The following HPSE2 variants were observed in gnomAD, a reference collection of about 807,000 sequenced individuals.
HPSE2 encodes inactive heparanase-2.
HPSE2 carries 38 observed loss-of-function variants against 60.5 expected under a neutral mutation model. The ratio of observed to expected loss-of-function variants is 0.63; its 90% CI spans 0.48 to 0.82. The LOEUF is 0.82. Ranked by LOEUF, HPSE2 falls within the 40% of genes least tolerant of loss-of-function variation. The pLI is 0.00. For missense variants in HPSE2, 713 were observed against 740.4 expected (o/e 0.96, Z 0.43); for synonymous variants, 295 against 293.2 (o/e 1.01, Z -0.06).
At chr10:99,008,821 A>C (rs1397334879) in intron 3 of HPSE2, among the ~76,000 whole-genome samples, 2 of 152,194 alleles carry the variant, frequency 1.3e-5, no homozygotes, top group Non-Finnish European at 2.9e-5. Flanking sequence ...ACTAAAATGG[A>C]AATAAAATGA....
At chr10:98,902,125 T>C (rs1310256706) in intron 3 of HPSE2, among the ~76,000 whole-genome samples, 1 of 152,204 alleles carries the variant, frequency 6.6e-6, no homozygotes, top group Non-Finnish European at 1.5e-5. Flanking sequence ...CACAAAATGC[T>C]GACTTAAGAA....
chr10:98,984,167 G>C (rs1211467433), intron 3 of HPSE2, among the ~76,000 whole-genome samples: 1 of 152,216 alleles, frequency 6.6e-6, no homozygotes, highest in African/African-American at 2.4e-5. Flanking sequence ...CACGCAGCTT[G>C]AGATCTGAGA....
chr10:98,590,829 G>A (rs369689362), intron 9 of HPSE2, among the ~76,000 whole-genome samples: 9 of 152,322 alleles, frequency 5.9e-5, no homozygotes, highest in Middle Eastern at 3.4e-3. Context: ...TTACTAGCCA[G>A]TGGGAGAGTC....
intron 4 of HPSE2, among the ~76,000 whole-genome samples, chr10:98,736,293 G>T (rs1289298062): frequency 6.6e-6 from 1 of 151,766 alleles, no homozygotes; most frequent in African/African-American, 2.4e-5. Flanking sequence ...GGCCACCCCA[G>T]TCACATGGAA....
chr10:99,277,140 G>A, the HPSE2 span, among the ~76,000 whole-genome samples: 4 of 152,068 alleles, frequency 2.6e-5, no homozygotes, highest in Non-Finnish European at 5.9e-5. Context: ...TTTATCACCC[G>A]TTCAAATCAA....
intron 3 of HPSE2, among the ~76,000 whole-genome samples, chr10:99,005,777 T>A (rs1311154349): frequency 6.6e-6 from 1 of 152,182 alleles, no homozygotes; most frequent in African/African-American, 2.4e-5. Context: ...AAGTTGGAAT[T>A]CACTCTAGTT....
chr10:98,675,323 T>C (rs1163180756), intron 6 of HPSE2, among the ~76,000 whole-genome samples: 1 of 152,138 alleles, frequency 6.6e-6, no homozygotes, highest in African/African-American at 2.4e-5. Context: ...ATAAATGACT[T>C]GTCCAAGATA....
Position 98,458,391 on chromosome 10 carries a change from C to T in HPSE2, c.*1183G>A, listed in dbSNP as rs556019724. On this transcript the variant is annotated 3_prime_UTR_variant, in exon 12 of 12. Transcript: ENST00000370552. The stretch of plus-strand genomic sequence containing the variant: ...TAGAACGTCCTCATCCCCCACTTCA[C>T]ACCTGCCCAACTCAGAAGCTTCCTA... The T allele has an allele frequency of 5.9e-5, 9 of 152,368 alleles. No homozygotes were observed. Among genetic ancestry groups the T allele is most frequent in the Non-Finnish European group, 1.0e-4 (7 of 68,042 alleles). 9.4% of individuals were successfully genotyped at this position (152,368 alleles called of 1,614,324 possible).
intron 5 of HPSE2, among the ~76,000 whole-genome samples, chr10:98,708,955 T>G (rs1275938477): frequency 1.3e-5 from 2 of 152,212 alleles, no homozygotes; most frequent in East Asian, 3.8e-4. Context: ...GTTTGGAGTA[T>G]TCTCCCTGCC....
At chr10:98,790,734 T>C (rs1307292971) in intron 3 of HPSE2, among the ~76,000 whole-genome samples, 1 of 152,246 alleles carries the variant, frequency 6.6e-6, no homozygotes. Flanking sequence ...TATCACATTG[T>C]ACTGGAGTGT....
intron 3 of HPSE2, among the ~76,000 whole-genome samples, chr10:98,949,365 T>G (rs961285571): frequency 1.3e-5 from 2 of 152,118 alleles, no homozygotes; most frequent in Non-Finnish European, 2.9e-5. Context: ...GGCCAATCAG[T>G]ATTTCTATGG....
At chr10:99,203,334 G>A (rs552505536) in intron 2 of HPSE2, among the ~76,000 whole-genome samples, 3 of 151,998 alleles carry the variant, frequency 2.0e-5, no homozygotes, top group African/African-American at 2.4e-5. Flanking sequence ...AACCCAGTCT[G>A]TACGCAGGCT....
At chr10:98,631,401 G>A (rs1356984668) in intron 7 of HPSE2, among the ~76,000 whole-genome samples, 3 of 152,182 alleles carry the variant, frequency 2.0e-5, no homozygotes, top group African/African-American at 4.8e-5. Flanking sequence ...AAGGATAAGT[G>A]CTAGTGAGAG....
chr10:99,153,778 A>G (rs1226131811), intron 2 of HPSE2, among the ~76,000 whole-genome samples: 1 of 152,240 alleles, frequency 6.6e-6, no homozygotes, highest in African/African-American at 2.4e-5. Flanking sequence ...CTGAGAGAAG[A>G]AGGCTTCAGA....
At chr10:98,625,111 A>T (rs1003050670) in intron 7 of HPSE2, among the ~76,000 whole-genome samples, 1 of 152,278 alleles carries the variant, frequency 6.6e-6, no homozygotes, top group African/African-American at 2.4e-5. Flanking sequence ...TGTGTAACAC[A>T]AAGAAGTTAA....
chr10:98,816,739 T>C (rs1951299516), intron 3 of HPSE2, among the ~76,000 whole-genome samples: 2 of 152,232 alleles, frequency 1.3e-5, no homozygotes, highest in Admixed American at 6.5e-5. Context: ...TGAAAATCCC[T>C]GATTTAAAAA....
the HPSE2 span, among the ~76,000 whole-genome samples, chr10:99,242,284 T>C: frequency 6.6e-6 from 1 of 152,218 alleles, no homozygotes; most frequent in Non-Finnish European, 1.5e-5. Flanking sequence ...TTTTTATGTG[T>C]AATATCCCTG....
chr10:99,101,281 G>T (rs1388338861), intron 3 of HPSE2, among the ~76,000 whole-genome samples: 1 of 152,102 alleles, frequency 6.6e-6, no homozygotes, highest in African/African-American at 2.4e-5. Context: ...TCAAAATAAA[G>T]GGATGGAGGA....
the HPSE2 span, among the ~76,000 whole-genome samples, chr10:99,279,816 T>A: frequency 6.6e-6 from 1 of 152,142 alleles, no homozygotes; most frequent in Non-Finnish European, 1.5e-5. Flanking sequence ...CTAAATAAAT[T>A]CTCTATTTGC....
Sources: gnomAD v4.1 joint callset for allele counts (sites outside exome capture counted in the v4.1 genomes callset) on GRCh38, gnomAD v4.1.1 for gene constraint, MANE v1.5 for transcripts, NCBI Gene and HGNC (gene_info 2026-07-23, HGNC 2026-07-21) for gene names.